The following PRKG1 variants were observed in gnomAD, a reference collection of about 807,000 sequenced individuals.
The protein encoded by PRKG1 is protein kinase cGMP-dependent 1, also known as cGMP-dependent protein kinase 1.
Under a neutral mutation model 88.1 loss-of-function variants are expected in PRKG1, and 35 were observed. That is an observed-to-expected ratio of 0.40 (90% confidence interval 0.30 to 0.53). The LOEUF is 0.53. PRKG1 is among the 20% of genes least tolerant of loss of function. The pLI is 0.59. For synonymous variants in PRKG1, 303 were observed against 292.5 expected, an observed-to-expected ratio of 1.04 and a Z score of -0.37; for missense variants, 540 against 839.8, an observed-to-expected ratio of 0.64 and a Z score of 4.41.
At chr10:51,090,457 G>C (rs548235286) in intron 1 of PRKG1, among the ~76,000 whole-genome samples, 1 of 152,166 alleles carries the variant, frequency 6.6e-6, no homozygotes, top group South Asian at 2.1e-4. Flanking sequence ...GTTGAACATA[G>C]GCAAGTGTGA....
chr10:51,504,305 GC>G (rs1841128358), intron 3 of PRKG1, among the ~76,000 whole-genome samples: 1 of 152,026 alleles, frequency 6.6e-6, no homozygotes, highest in South Asian at 2.1e-4. Context: ...ATTTCTGAGG[GC>G]TCTGTTCTGT....
At chr10:51,066,691 T>A (rs1459987606) in intron 1 of PRKG1, among the ~76,000 whole-genome samples, 1 of 152,150 alleles carries the variant, frequency 6.6e-6, no homozygotes, top group South Asian at 2.1e-4. Context: ...GTATGTAATA[T>A]TTTATGTATT....
chr10:51,653,016 G>T (rs994161642), intron 3 of PRKG1, among the ~76,000 whole-genome samples: 1 of 152,130 alleles, frequency 6.6e-6, no homozygotes, highest in Admixed American at 6.5e-5. Flanking sequence ...TTCTCCAGGT[G>T]CATTCATGTT....
intron 2 of PRKG1, among the ~76,000 whole-genome samples, chr10:51,248,945 A>G (rs1159191256): frequency 2.0e-5 from 3 of 151,812 alleles, no homozygotes; most frequent in Non-Finnish European, 4.4e-5. Context: ...GAAATTGGTG[A>G]TTGAGTAATC....
Position 52,146,631 on chromosome 10 carries a change from C to T in PRKG1, c.1001+12726C>T, listed in dbSNP as rs556228119. On this transcript the variant is annotated intron_variant, in intron 8 of 17. Coordinates refer to ENST00000373980, the MANE Select transcript of PRKG1 (RefSeq NM_006258.4). The stretch of plus-strand genomic sequence containing the variant: ...GCCTATTATAGCACATACTTTACCA[C>T]GTTGCATTAGCAATTTACCATGTTA... Among the ~76,000 whole-genome samples the T allele has an allele frequency of 3.9e-5, 6 of 152,230 alleles. 1 individual carries two copies. Among genetic ancestry groups the T allele is most frequent in the African/African-American group, 9.6e-5 (4 of 41,546 alleles).
chr10:51,158,431 C>A (rs1846270330), intron 2 of PRKG1, among the ~76,000 whole-genome samples: 1 of 151,866 alleles, frequency 6.6e-6, no homozygotes, highest in South Asian at 2.1e-4. Flanking sequence ...TATATTCAAA[C>A]TTGAGGAGCC....
chr10:51,237,434 T>G (rs913531421), intron 2 of PRKG1, among the ~76,000 whole-genome samples: 24 of 152,202 alleles, frequency 1.6e-4, no homozygotes, highest in African/African-American at 5.8e-4. Flanking sequence ...CAGTGGGATC[T>G]GTCATTTAGG....
intron 2 of PRKG1, among the ~76,000 whole-genome samples, chr10:51,344,829 CAAG>C (rs1842078697): frequency 6.6e-6 from 1 of 152,124 alleles, no homozygotes; most frequent in Admixed American, 6.5e-5. Flanking sequence ...ATTAACAAGT[CAAG>C]GTAATTGCTT....
chr10:51,773,263 G>A lies in PRKG1; in HGVS notation c.593-31322G>A, dbSNP rs537087468. Among the ~76,000 whole-genome samples the A allele has an allele frequency of 3.3e-5, 5 of 152,016 alleles. No homozygotes were observed. In the East Asian group the frequency reaches 7.7e-4, roughly 23 times the overall value. ...ATCAATATTGATTTGTATTATACCA[G>A]GTAAACTGTTTCTTCGATTTAATAT... is the stretch of plus-strand genomic sequence containing the variant. On this transcript the variant is annotated intron_variant, in intron 3 of 17. Transcript: ENST00000373980.
At chr10:51,553,826 T>C (rs1024667660) in intron 3 of PRKG1, among the ~76,000 whole-genome samples, 12 of 101,228 alleles carry the variant, frequency 1.2e-4, no homozygotes, top group African/African-American at 3.7e-4. Context: ...TAGATACGTG[T>C]ATATAATATA....
intron 3 of PRKG1, among the ~76,000 whole-genome samples, chr10:51,645,164 T>G (rs1232759310): frequency 2.6e-5 from 4 of 152,188 alleles, no homozygotes; most frequent in African/African-American, 9.7e-5. Flanking sequence ...ATTAGAGTTT[T>G]TAAACATGTT....
chr10:52,111,767 A>G (rs1589615951), intron 7 of PRKG1, among the ~76,000 whole-genome samples: 1 of 152,142 alleles, frequency 6.6e-6, no homozygotes, highest in East Asian at 1.9e-4. Context: ...CATTCTACTG[A>G]AGCAGACAAT....
chr10:51,649,936 A>G (rs1839999516), intron 3 of PRKG1, among the ~76,000 whole-genome samples: 1 of 152,196 alleles, frequency 6.6e-6, no homozygotes, highest in Non-Finnish European at 1.5e-5. Context: ...TGGTTGCAAA[A>G]CATTAAACCA....
intron 5 of PRKG1, among the ~76,000 whole-genome samples, chr10:51,969,974 G>T (rs1440016697): frequency 6.8e-6 from 1 of 148,086 alleles, no homozygotes; most frequent in East Asian, 2.0e-4. Flanking sequence ...ATTTTACTCT[G>T]TTTGCTTTAT....
At chr10:51,846,403 A>G (rs564884020) in intron 4 of PRKG1, among the ~76,000 whole-genome samples, 2 of 152,204 alleles carry the variant, frequency 1.3e-5, no homozygotes, top group Non-Finnish European at 2.9e-5. Context: ...ACATAACCTC[A>G]TAACTCAACT....
chr10:51,509,649 A>G (rs969107565), intron 3 of PRKG1, among the ~76,000 whole-genome samples: 1 of 152,144 alleles, frequency 6.6e-6, no homozygotes, highest in Non-Finnish European at 1.5e-5. Context: ...AGGCTGGATT[A>G]CAGGCAGGAG....
intron 2 of PRKG1, among the ~76,000 whole-genome samples, chr10:51,382,944 T>C (rs2132632357): frequency 6.6e-6 from 1 of 152,186 alleles, no homozygotes; most frequent in South Asian, 2.1e-4. Flanking sequence ...TTAGGTAAAT[T>C]TGTGTCATAT....
At chr10:51,722,610 A>G (rs924462225) in intron 3 of PRKG1, among the ~76,000 whole-genome samples, 2 of 152,164 alleles carry the variant, frequency 1.3e-5, no homozygotes, top group Non-Finnish European at 2.9e-5. Context: ...GAGAGGCAAA[A>G]TATTTCACCT....
chr10:51,867,387 TA>T (rs1401240260), intron 4 of PRKG1, among the ~76,000 whole-genome samples: 1 of 151,962 alleles, frequency 6.6e-6, no homozygotes, highest in Non-Finnish European at 1.5e-5. Flanking sequence ...GTGTATTTAA[TA>T]AAAATCACTC....
Sources: allele counts gnomAD v4.1 joint callset (sites outside exome capture counted in the v4.1 genomes callset), GRCh38; gene constraint gnomAD v4.1.1; transcripts MANE v1.5; gene names NCBI Gene and HGNC (gene_info 2026-07-23, HGNC 2026-07-21).